The following MON2 variants were observed in gnomAD, a reference collection of about 807,000 sequenced individuals.
The protein encoded by MON2 is protein MON2 homolog.
In MON2, 84 loss-of-function variants were observed where a neutral mutation model predicts 208.6. That is an observed-to-expected ratio of 0.40 (90% CI 0.34 to 0.48). The LOEUF (loss-of-function observed/expected upper bound fraction) is 0.48. Ranked by LOEUF, MON2 falls within the 20% of genes least tolerant of loss-of-function variation. The pLI is 0.59. For synonymous variants in MON2, 660 were observed against 694.0 expected, an observed-to-expected ratio of 0.95 and a Z score of 0.77; for missense variants, 1,611 against 2,015.4, an observed-to-expected ratio of 0.80 and a Z score of 3.84.
At chr12:62,535,022 A>G in intron 13 of MON2, 96 bp downstream of exon 13, 1 of 927,940 alleles carries the variant, frequency 1.1e-6, no homozygotes, top group Non-Finnish European at 1.7e-6. Context: ...TTATTTTCTA[A>G]TATTAGTTTT....
At chr12:62,474,119 CTTTTTTT>C (rs778065734) in intron 1 of MON2, among the ~76,000 whole-genome samples, 1 of 141,840 alleles carries the variant, frequency 7.1e-6, no homozygotes, top group Admixed American at 7.1e-5. Context: ...CTTTTCTTTT[CTTTTTTT>C]TTTTTTTCTG....
At position 62,537,276 on chromosome 12, in the gene MON2, T is replaced by A. The variant is rs889718775; in HGVS notation, c.2013+13T>A. On this transcript the variant is annotated intron_variant, in intron 15 of 34. Coordinates refer to ENST00000393630, the MANE Select transcript of MON2 (RefSeq NM_015026.3). ...AGGGACAGTAATGGTAATGTACTTG[T>A]ATTTTTCTTGGTTATCAATTAGCTA... 1.5e-5 allele frequency: 23 copies of A among 1,563,740 alleles called. No individual in the cohort carries two copies. Among genetic ancestry groups the A allele is most frequent in the Non-Finnish European group, 1.8e-5 (21 of 1,140,836 alleles).
chr12:62,582,294 C>G (rs2075032477), intron 32 of MON2, among the ~76,000 whole-genome samples: 1 of 152,168 alleles, frequency 6.6e-6, no homozygotes, highest in Non-Finnish European at 1.5e-5. Flanking sequence ...TTTACCAAGA[C>G]AAGAAAGGTG....
chr12:62,525,330 A>C, intron 10 of MON2, 110 bp downstream of exon 10: 1 of 1,121,730 alleles, frequency 8.9e-7, no homozygotes, highest in Non-Finnish European at 1.3e-6. Flanking sequence ...TGGGTTACCT[A>C]AACATGTTGG....
At chr12:62,483,333 G>C (rs1399938203) in intron 1 of MON2, among the ~76,000 whole-genome samples, 1 of 152,108 alleles carries the variant, frequency 6.6e-6, no homozygotes, top group Non-Finnish European at 1.5e-5. Context: ...TGCCAGTACT[G>C]CCCGCTAAAC....
chr12:62,563,004 C>T (rs1433687010), intron 26 of MON2, among the ~76,000 whole-genome samples: 4 of 152,122 alleles, frequency 2.6e-5, no homozygotes, highest in African/African-American at 2.4e-5. Context: ...TACTGTAAGT[C>T]CTGAAGTCAG....
intron 25 of MON2, among the ~76,000 whole-genome samples, chr12:62,556,893 T>C (rs910559769): frequency 6.6e-6 from 1 of 152,018 alleles, no homozygotes; most frequent in Non-Finnish European, 1.5e-5. Flanking sequence ...CTGAGAAATA[T>C]AATGAGATCT....
intron 14 of MON2, among the ~76,000 whole-genome samples, 194 bp from the exon 15 acceptor site, chr12:62,536,957 T>C (rs150292944): frequency 1.3e-5 from 2 of 152,272 alleles, no homozygotes; most frequent in Admixed American, 1.3e-4. Context: ...CCAAAATGGC[T>C]GGGATTACAG....
rs559606641 is a variant in MON2 at position 62,479,500 on chromosome 12, G to A, written c.112-4670G>A. On this transcript the variant is annotated intron_variant, in intron 1 of 34. Transcript: ENST00000393630. ...CTGCAGATGCAAAACCAGTGGATAC[G>A]GAGGCCTGGCTGTATGGTATTACAC... is the stretch of plus-strand genomic sequence containing the variant. 6.9e-4 allele frequency among the ~76,000 whole-genome samples: 102 copies of A among 148,348 alleles called. No homozygotes were observed. The South Asian group carries it at 0.015, about 22-fold the overall frequency.
At chr12:62,551,678 G>T (rs1192329619) in intron 23 of MON2, among the ~76,000 whole-genome samples, 1 of 152,138 alleles carries the variant, frequency 6.6e-6, no homozygotes, top group Non-Finnish European at 1.5e-5. Flanking sequence ...ACAATTATCT[G>T]TGAAGCACAA....
At chr12:62,510,303 T>C (rs1393523250) in intron 8 of MON2, among the ~76,000 whole-genome samples, 6 of 151,946 alleles carry the variant, frequency 3.9e-5, no homozygotes, top group Admixed American at 1.3e-4. Context: ...AGGCCAGCGT[T>C]AATACCAAAG....
intron 2 of MON2, chr12:62,489,967 A>G (rs1458980325): frequency 7.1e-6 from 7 of 981,254 alleles, no homozygotes; most frequent in Non-Finnish European, 9.3e-6. Flanking sequence ...ATTTTTCACA[A>G]TAAAACTTTT....
intron 4 of MON2, among the ~76,000 whole-genome samples, chr12:62,496,743 G>C (rs61921911): frequency 0.096 from 14,626 of 152,228 alleles, 986 homozygotes; most frequent in East Asian, 0.27. Context: ...ACTATATAAA[G>C]AACTCTTAAA....
intron 8 of MON2, among the ~76,000 whole-genome samples, chr12:62,523,220 A>G (rs555036444): frequency 6.6e-6 from 1 of 152,264 alleles, no homozygotes; most frequent in South Asian, 2.1e-4. Context: ...AAGAGGTGTC[A>G]TTTTGTTTAG....
intron 34 of MON2, among the ~76,000 whole-genome samples, chr12:62,589,117 C>G (rs1254196744): frequency 6.6e-6 from 1 of 152,112 alleles, no homozygotes; most frequent in Non-Finnish European, 1.5e-5. Flanking sequence ...TTTGTTGGAC[C>G]AGCCATTGAT....
intron 29 of MON2, among the ~76,000 whole-genome samples, 196 bp downstream of exon 29, chr12:62,566,646 A>C (rs546715330): frequency 6.6e-6 from 1 of 150,468 alleles, no homozygotes; most frequent in African/African-American, 2.4e-5. Flanking sequence ...AGTGAAAAAT[A>C]TTTTAACATA....
At chr12:62,476,768 T>C (rs1053477999) in intron 1 of MON2, among the ~76,000 whole-genome samples, 3 of 152,182 alleles carry the variant, frequency 2.0e-5, no homozygotes, top group Non-Finnish European at 4.4e-5. Context: ...TGTTTCATGC[T>C]GTGTCCTGTG....
intron 25 of MON2, among the ~76,000 whole-genome samples, chr12:62,557,963 T>TATATATATG (rs1491431148): frequency 5.1e-5 from 1 of 19,574 alleles, no homozygotes; most frequent in Non-Finnish European, 7.4e-5. Flanking sequence ...TATATATATA[T>TATATATATG]TTTTTTTTTT....
At chr12:62,539,257 T>C (rs1358286441) in intron 19 of MON2, among the ~76,000 whole-genome samples, 1 of 152,026 alleles carries the variant, frequency 6.6e-6, no homozygotes, top group African/African-American at 2.4e-5. Context: ...TTCAAAATTA[T>C]GTTGTCTGCC....
Sources: gnomAD v4.1 joint callset for allele counts (sites outside exome capture counted in the v4.1 genomes callset) on GRCh38, gnomAD v4.1.1 for gene constraint, MANE v1.5 for transcripts, NCBI Gene and HGNC (gene_info 2026-07-23, HGNC 2026-07-21) for gene names.